The following RNGTT variants were observed in gnomAD, a reference collection of about 807,000 sequenced individuals.
The protein encoded by RNGTT is mRNA-capping enzyme.
A neutral mutation model predicts 79.3 loss-of-function variants in RNGTT; 33 were observed. The ratio of observed to expected loss-of-function variants is 0.42; its 90% CI spans 0.32 to 0.56. RNGTT has a LOEUF of 0.56. Among genes scored for constraint, RNGTT ranks in the 20% least tolerant of loss-of-function variants. The pLI, the probability that RNGTT is intolerant of heterozygous loss-of-function variation, is 0.17. For missense variants in RNGTT, 497 were observed against 739.1 expected (o/e 0.67, Z 3.80); for synonymous variants, 222 against 235.9 (o/e 0.94, Z 0.54).
At chr6:88,799,422 G>A (rs897653626) in intron 12 of RNGTT, among the ~76,000 whole-genome samples, 7 of 152,026 alleles carry the variant, frequency 4.6e-5, no homozygotes, top group East Asian at 1.9e-4. Context: ...GTTACGGCCC[G>A]GCGCGGTGGC....
chr6:88,619,278 G>A (rs145192402), intron 14 of RNGTT, among the ~76,000 whole-genome samples: 7 of 151,898 alleles, frequency 4.6e-5, no homozygotes, highest in Non-Finnish European at 5.9e-5. Context: ...TCATCCTCCC[G>A]CCTCAGCCTC....
intron 6 of RNGTT, among the ~76,000 whole-genome samples, chr6:88,899,970 G>A (rs2127939633): frequency 6.6e-6 from 1 of 152,288 alleles, no homozygotes; most frequent in Non-Finnish European, 1.5e-5. Context: ...CTAAAGTCTA[G>A]TTTCTAACAG....
At chr6:88,799,700 CAAAAAAAAAAA>C (rs36033019) in intron 12 of RNGTT, among the ~76,000 whole-genome samples, 13 of 46,236 alleles carry the variant, frequency 2.8e-4, no homozygotes, top group African/African-American at 8.7e-4. Flanking sequence ...AACTCCATCT[CAAAAAAAAAAA>C]AAAAAAAAAA....
intron 8 of RNGTT, among the ~76,000 whole-genome samples, chr6:88,885,139 C>T (rs1469936862): frequency 6.6e-6 from 1 of 152,002 alleles, no homozygotes; most frequent in African/African-American, 2.4e-5. Context: ...CACACACACA[C>T]ATATTTCCTA....
intron 14 of RNGTT, chr6:88,677,880 C>G (rs1045767427): frequency 1.3e-5 from 2 of 152,046 alleles, no homozygotes; most frequent in African/African-American, 2.4e-5. Context: ...GTCAATTTTA[C>G]TATGGCAAGA....
At chr6:88,613,102 A>C (rs1457605764) in intron 15 of RNGTT, among the ~76,000 whole-genome samples, 1 of 152,158 alleles carries the variant, frequency 6.6e-6, no homozygotes, top group East Asian at 1.9e-4. Context: ...TTAAACCAAA[A>C]CTTTAAATGT....
chr6:88,817,856 T>G (rs946697420), intron 11 of RNGTT, among the ~76,000 whole-genome samples: 1 of 142,834 alleles, frequency 7.0e-6, no homozygotes, highest in Non-Finnish European at 1.5e-5. Context: ...GCCTCCCGGG[T>G]TCATGCCATT....
intron 12 of RNGTT, among the ~76,000 whole-genome samples, chr6:88,775,188 G>A (rs542088686): frequency 2.0e-5 from 3 of 152,212 alleles, no homozygotes; most frequent in African/African-American, 7.2e-5. Flanking sequence ...CTATGGTAAA[G>A]CAAATTAACA....
intron 13 of RNGTT, among the ~76,000 whole-genome samples, chr6:88,703,534 T>C (rs898326871): frequency 7.9e-5 from 12 of 152,058 alleles, no homozygotes; most frequent in African/African-American, 2.9e-4. Context: ...CGGGGACTAC[T>C]AAAGGAAGGA....
intron 11 of RNGTT, among the ~76,000 whole-genome samples, chr6:88,829,966 A>G (rs1035146718): frequency 6.6e-6 from 1 of 152,158 alleles, no homozygotes; most frequent in African/African-American, 2.4e-5. Flanking sequence ...CCCACTGTCA[A>G]TATTAGACAG....
chr6:88,717,667 G>A (rs755857577), intron 13 of RNGTT, among the ~76,000 whole-genome samples: 21 of 152,044 alleles, frequency 1.4e-4, no homozygotes, highest in Non-Finnish European at 2.6e-4. Flanking sequence ...ACGCAAAAAC[G>A]CCAATGGAGG....
intron 13 of RNGTT, among the ~76,000 whole-genome samples, chr6:88,679,015 C>T (rs566002859): frequency 1.6e-4 from 24 of 152,224 alleles, no homozygotes; most frequent in Middle Eastern, 3.4e-3. Flanking sequence ...TCTGCCACCA[C>T]GGAGACAGCA....
intron 13 of RNGTT, among the ~76,000 whole-genome samples, chr6:88,756,814 C>G (rs1274212616): frequency 6.6e-6 from 1 of 152,120 alleles, no homozygotes; most frequent in Non-Finnish European, 1.5e-5. Context: ...CTAGTTTGTT[C>G]ACTTGGAGCT....
intron 12 of RNGTT, among the ~76,000 whole-genome samples, chr6:88,793,753 G>A (rs376678052): frequency 3.8e-4 from 58 of 152,124 alleles, no homozygotes; most frequent in African/African-American, 1.3e-3. Context: ...CCAAGTCTGC[G>A]CCACTGCATT....
intron 8 of RNGTT, among the ~76,000 whole-genome samples, chr6:88,879,497 A>T (rs1304582461): frequency 1.3e-5 from 2 of 152,216 alleles, no homozygotes; most frequent in African/African-American, 4.8e-5. Context: ...CACGCTATTC[A>T]CAAGTCACGA....
At chr6:88,704,259 CAAAA>C (rs35623392) in intron 13 of RNGTT, among the ~76,000 whole-genome samples, 1,338 of 48,472 alleles carry the variant, frequency 0.028, 13 homozygotes, top group African/African-American at 0.085. Context: ...GACTCTGTCT[CAAAA>C]AAAAAAAAAA....
intron 8 of RNGTT, among the ~76,000 whole-genome samples, chr6:88,884,964 A>C (rs1374666276): frequency 6.6e-6 from 1 of 152,212 alleles, no homozygotes; most frequent in Non-Finnish European, 1.5e-5. Flanking sequence ...AGGAGTTACA[A>C]ATAGAAAATG....
chr6:88,658,818 A>T lies in RNGTT; in HGVS notation c.1506+19535T>A, dbSNP rs1005715634. Among the ~76,000 whole-genome samples the T allele has an allele frequency of 3.9e-5, 6 of 152,158 alleles. No individual in the cohort carries two copies. In the South Asian group the frequency reaches 1.2e-3, roughly 32 times the overall value. On this transcript the variant is annotated intron_variant, in intron 14 of 15. Transcript: ENST00000369485. The stretch of plus-strand genomic sequence containing the variant: ...TGTGCTGGATGCTTCCTGCCCTCAA[A>T]CATCAGACTCCCAGATTCTTCAGCT...
intron 8 of RNGTT, among the ~76,000 whole-genome samples, chr6:88,868,366 C>T (rs188021438): frequency 1.8e-4 from 27 of 152,286 alleles, no homozygotes; most frequent in Admixed American, 1.4e-3. Flanking sequence ...TGACATGCTT[C>T]AAAATATAAA....
Sources: allele counts gnomAD v4.1 joint callset (sites outside exome capture counted in the v4.1 genomes callset), GRCh38; gene constraint gnomAD v4.1.1; transcripts MANE v1.5; gene names NCBI Gene and HGNC (gene_info 2026-07-23, HGNC 2026-07-21).